The following POP1 variants were observed in gnomAD, a reference collection of about 807,000 sequenced individuals.
POP1 encodes POP1 ribonuclease P/MRP subunit.
A neutral mutation model predicts 102.2 loss-of-function variants in POP1; 75 were observed. The observed-to-expected ratio is 0.73, with a 90% CI of 0.61 to 0.89. The LOEUF (loss-of-function observed/expected upper bound fraction) is 0.89, where lower values mean the gene tolerates loss of function less well. POP1 is among the 40% of genes least tolerant of loss of function. The pLI is 0.00. For synonymous variants in POP1, 436 were observed against 464.1 expected (o/e 0.94, Z 0.78); for missense variants, 1,116 against 1,267.4 (o/e 0.88, Z 1.81).
intron 11 of POP1, 34 bp from the exon 12 acceptor site, chr8:98,146,534 A>C (rs199524102): frequency 2.9e-5 from 42 of 1,453,894 alleles, no homozygotes; most frequent in Non-Finnish European, 3.8e-5. Flanking sequence ...GATCTGAAGG[A>C]TGTGGTTTGA....
At position 98,134,478 on chromosome 8, in the gene POP1, C is replaced by T. The variant is rs750705245; in HGVS notation, c.830C>T (p.Thr277Met). 22 of 1,613,948 alleles carry T rather than the reference C, an allele frequency of 1.4e-5. No individual in the cohort carries two copies. Among genetic ancestry groups the T allele is most frequent in the East Asian group, 6.7e-5 (3 of 44,900 alleles). The change falls in exon 7 of 16, where the codon ACG (threonine) becomes ATG (methionine). Residue 277 changes from threonine (T) to methionine (M), a missense_variant. Physicochemically the swap from Thr to Met is moderately conservative, Grantham distance 81 (BLOSUM62 -1). Coordinates refer to ENST00000401707, the MANE Select transcript of POP1 (RefSeq NM_001145860.2). ...TTGCTTTTGTTGATGTCAGGGCTGA[C>T]GTTTGCAGCAGTTCACTGCTTGTCT... is the stretch of plus-strand genomic sequence containing the variant. Reference protein sequence around the residue: ...SGMCNIDTGLTFAAVHCLSGK... With the variant: ...SGMCNIDTGLMFAAVHCLSGK...
At chr8:98,155,181 T>A (rs1186177680) in intron 14 of POP1, among the ~76,000 whole-genome samples, 2 of 152,206 alleles carry the variant, frequency 1.3e-5, no homozygotes, top group Non-Finnish European at 2.9e-5. Context: ...CTTTCAGGAA[T>A]GGATCCCCTG....
At chr8:98,126,475 GC>G (rs1485888016) in intron 2 of POP1, among the ~76,000 whole-genome samples, 1 of 152,064 alleles carries the variant, frequency 6.6e-6, no homozygotes, top group Non-Finnish European at 1.5e-5. Context: ...GATGTTCCCA[GC>G]CCCCTTCAGC....
At chr8:98,122,880 T>G (rs1187342093) in intron 1 of POP1, among the ~76,000 whole-genome samples, 1 of 152,240 alleles carries the variant, frequency 6.6e-6, no homozygotes, top group African/African-American at 2.4e-5. Context: ...GGGGTCCCAC[T>G]GTTTTTGTCC....
chr8:98,156,431 TG>T lies in POP1; in HGVS notation c.2420+22del. The T allele has an allele frequency of 1.2e-6, 2 of 1,613,044 alleles. No individual in the cohort carries two copies. Among genetic ancestry groups the T allele is most frequent in the East Asian group, 2.2e-5 (1 of 44,888 alleles). Reference sequence around the variant, plus strand: ...TTCTCAGGTAAGTGTCGGTGACTTCTGGGTACATTTTGGATTATTTATTTTA... The same window carrying T: ...TTCTCAGGTAAGTGTCGGTGACTTCTGGTACATTTTGGATTATTTATTTTA... On this transcript the variant is annotated intron_variant, in intron 15 of 15. Transcript: ENST00000401707.
intron 5 of POP1, among the ~76,000 whole-genome samples, chr8:98,132,726 C>G (rs1379510319): frequency 1.3e-5 from 2 of 152,000 alleles, no homozygotes; most frequent in African/African-American, 4.8e-5. Context: ...AATGACTGTT[C>G]ATGTAAGGAG....
chr8:98,140,008 T>C (rs1438910808), intron 9 of POP1, 70 bp from the exon 10 acceptor site: 1 of 1,231,816 alleles, frequency 8.1e-7, no homozygotes, highest in Non-Finnish European at 1.2e-6. Flanking sequence ...GGGGCTGATA[T>C]CACAACCATG....
intron 14 of POP1, among the ~76,000 whole-genome samples, chr8:98,153,531 C>CCCTT (rs1430760385): frequency 0.012 from 958 of 80,590 alleles, 43 homozygotes; most frequent in African/African-American, 0.021. Context: ...ACAGTTCTGA[C>CCCTT]TCTTTTTTTT....
rs771840096 is a variant in POP1 at position 98,136,728 on chromosome 8, A to G, written c.1258A>G (p.Ile420Val). The G allele has an allele frequency of 1.9e-6, 3 of 1,613,920 alleles. No individual in the cohort carries two copies. Among genetic ancestry groups the G allele is most frequent in the African/African-American group, 2.7e-5 (2 of 74,938 alleles). ...CTCTTGGATCTCTCCAACCACAGGC[A>G]TTATAATCAGGTATGAGTTGAATTT... ...PYSWISPTTG[I>V]IISDLTMEMN... The change falls in exon 8 of 16, where the codon ATT (isoleucine) becomes GTT (valine). Residue 420 changes from isoleucine (I) to valine (V), a missense_variant. Coordinates refer to ENST00000401707, the MANE Select transcript of POP1 (RefSeq NM_001145860.2).
chr8:98,129,902 T>G, intron 4 of POP1, 76 bp from the exon 5 acceptor site: 12 of 1,506,890 alleles, frequency 8.0e-6, no homozygotes, highest in Non-Finnish European at 9.2e-6. Context: ...TAAAGTTATT[T>G]GTTTGCATTC....
Position 98,158,574 on chromosome 8 carries a change from C to T in POP1, c.*303C>T, listed in dbSNP as rs878909554. 21 of 305,948 alleles carry T rather than the reference C, an allele frequency of 6.9e-5. No individual in the cohort carries two copies. The highest frequency in any genetic ancestry group is 1.1e-4 in the Non-Finnish European group (18 of 163,700). 19.0% of individuals were successfully genotyped at this position (305,948 alleles called of 1,614,324 possible). A position where few individuals can be genotyped will look rare whatever the true frequency, so the allele number is the denominator to read the frequency against. Reference sequence around the variant, plus strand: ...TGAGAAGCTCTACGAGTTATCATCCCCTTTTTTTGTTAGAAACAAAGGGCT... The same window carrying T: ...TGAGAAGCTCTACGAGTTATCATCCTCTTTTTTTGTTAGAAACAAAGGGCT... On this transcript the variant is annotated 3_prime_UTR_variant, in exon 16 of 16. Transcript: ENST00000401707.
chr8:98,154,463 G>C (rs1809596139), intron 14 of POP1, among the ~76,000 whole-genome samples: 1 of 152,204 alleles, frequency 6.6e-6, no homozygotes, highest in Non-Finnish European at 1.5e-5. Context: ...AGGAGGCATG[G>C]CTCTGAGAGC....
intron 5 of POP1, among the ~76,000 whole-genome samples, chr8:98,133,550 G>A (rs779127163): frequency 6.6e-6 from 1 of 152,062 alleles, no homozygotes; most frequent in Non-Finnish European, 1.5e-5. Context: ...TTTTACTCTG[G>A]TTTCTTACCT....
rs1193728954 is a variant in POP1 at position 98,117,349 on chromosome 8, G to A, written c.-44G>A. On this transcript the variant is annotated 5_prime_UTR_variant, in exon 1 of 16. Transcript: ENST00000401707. ...TGGCTCGGTGGGTACTGTCGCGGAG[G>A]CTTGTCATTCTGACCCGGGGATTCC... The A allele has an allele frequency of 3.8e-6, 2 of 526,468 alleles. No homozygotes were observed. The highest frequency in any genetic ancestry group is 6.8e-5 in the East Asian group (2 of 29,504). 32.6% of individuals were successfully genotyped at this position (526,468 alleles called of 1,614,324 possible). A position where few individuals can be genotyped will look rare whatever the true frequency, so the allele number is the denominator to read the frequency against.
chr8:98,140,252 T>C lies in POP1; in HGVS notation c.1474+63T>C, dbSNP rs185900828. 8.6e-5 allele frequency: 114 copies of C among 1,329,658 alleles called. 1 individual carries two copies. In the African/African-American group the frequency reaches 1.4e-3, roughly 16 times the overall value. 82.4% of individuals were successfully genotyped at this position (1,329,658 alleles called of 1,614,324 possible). On this transcript the variant is annotated intron_variant, in intron 10 of 15. Coordinates refer to ENST00000401707, the MANE Select transcript of POP1 (RefSeq NM_001145860.2). Reference sequence around the variant, plus strand: ...AGGGGGCCAAAAGAGCCTTTTGCAGTTGGGCCTCCAACATGTAGTATTGCT... The same window carrying C: ...AGGGGGCCAAAAGAGCCTTTTGCAGCTGGGCCTCCAACATGTAGTATTGCT...
chr8:98,136,005 G>T (rs6999826), intron 7 of POP1, among the ~76,000 whole-genome samples: 84,895 of 151,832 alleles, frequency 0.56, 24,316 homozygotes, highest in South Asian at 0.75. Flanking sequence ...ACACCTGGCC[G>T]AAAAAAGCTT....
chr8:98,122,964 A>G (rs1816077160), intron 1 of POP1, among the ~76,000 whole-genome samples: 1 of 152,216 alleles, frequency 6.6e-6, no homozygotes, highest in Non-Finnish European at 1.5e-5. Flanking sequence ...TCATCTGAGT[A>G]GTAGAAATGA....
chr8:98,131,696 T>G (rs1816386464), intron 5 of POP1, among the ~76,000 whole-genome samples: 1 of 152,240 alleles, frequency 6.6e-6, no homozygotes, highest in African/African-American at 2.4e-5. Flanking sequence ...CTTACCATTT[T>G]CCATAGCAAC....
intron 5 of POP1, among the ~76,000 whole-genome samples, chr8:98,133,633 T>C (rs1404293917): frequency 6.6e-6 from 1 of 152,202 alleles, no homozygotes; most frequent in Middle Eastern, 3.2e-3. Context: ...AACCTGTCTA[T>C]GAATATGGGA....
Sources: gnomAD v4.1 joint callset for allele counts (sites outside exome capture counted in the v4.1 genomes callset) on GRCh38, gnomAD v4.1.1 for gene constraint, MANE v1.5 for transcripts, NCBI Gene and HGNC (gene_info 2026-07-23, HGNC 2026-07-21) for gene names.